SCN2A: variants seen among roughly 807,000 people sequenced by gnomAD.
SCN2A encodes sodium voltage-gated channel alpha subunit 2, also known as sodium channel protein type 2 subunit alpha.
In SCN2A, 20 loss-of-function variants were observed where a neutral mutation model predicts 188.7. The observed-to-expected ratio is 0.11, with a 90% CI of 0.07 to 0.15. The LOEUF (loss-of-function observed/expected upper bound fraction) is 0.15. Ranked by LOEUF, SCN2A falls within the 10% of genes least tolerant of loss-of-function variation. The pLI is 1.00. For missense variants in SCN2A, 1,278 were observed against 2,445.0 expected, an observed-to-expected ratio of 0.52 and a Z score of 10.07; for synonymous variants, 804 against 833.1, an observed-to-expected ratio of 0.97 and a Z score of 0.60.
At chr2:165,322,951 C>T (rs932980711) in intron 11 of SCN2A, among the ~76,000 whole-genome samples, 4 of 152,028 alleles carry the variant, frequency 2.6e-5, no homozygotes, top group Admixed American at 6.5e-5. Flanking sequence ...GGAGAAAAAG[C>T]GAGAGTGAAA....
intron 1 of SCN2A, among the ~76,000 whole-genome samples, chr2:165,260,856 G>A (rs879147805): frequency 4.0e-5 from 6 of 151,242 alleles, no homozygotes; most frequent in African/African-American, 7.3e-5. Flanking sequence ...TGTAATCCCA[G>A]CTACTCGGGA....
intron 1 of SCN2A, among the ~76,000 whole-genome samples, chr2:165,258,471 A>G (rs536460673): frequency 2.0e-4 from 31 of 152,310 alleles, no homozygotes; most frequent in African/African-American, 7.5e-4. Flanking sequence ...GGGATTGCTT[A>G]TACACTGTTG....
At chr2:165,291,737 A>G (rs1048320805) in intron 1 of SCN2A, among the ~76,000 whole-genome samples, 1 of 151,210 alleles carries the variant, frequency 6.6e-6, no homozygotes, top group African/African-American at 2.4e-5. Flanking sequence ...AGCAAAAGCA[A>G]CCTTCCCAGC....
At chr2:165,354,713 T>A (rs1700094536) in intron 17 of SCN2A, 42 bp downstream of exon 17, 14 of 1,595,730 alleles carry the variant, frequency 8.8e-6, no homozygotes, top group Non-Finnish European at 1.2e-5. Context: ...TGTTATATAA[T>A]TCTGTTGTTT....
chr2:165,382,219 G>T (rs1701640305), intron 25 of SCN2A, among the ~76,000 whole-genome samples: 1 of 152,026 alleles, frequency 6.6e-6, no homozygotes, highest in Non-Finnish European at 1.5e-5. Flanking sequence ...GTAGACACTG[G>T]TTTTCCGAGT....
At chr2:165,263,361 A>G (rs1410939906) in intron 1 of SCN2A, among the ~76,000 whole-genome samples, 1 of 152,056 alleles carries the variant, frequency 6.6e-6, no homozygotes, top group Non-Finnish European at 1.5e-5. Flanking sequence ...TTATGGCTTC[A>G]GGTCTTAATT....
At chr2:165,350,217 A>G (rs1276821647) in intron 16 of SCN2A, among the ~76,000 whole-genome samples, 2 of 152,236 alleles carry the variant, frequency 1.3e-5, no homozygotes, top group African/African-American at 4.8e-5. Flanking sequence ...AGGTGAGGCA[A>G]TAGCACACAG....
Position 165,367,296 on chromosome 2 carries a change from A to T in SCN2A, c.3600A>T (p.Thr1200=). 1.9e-6 allele frequency: 3 copies of T among 1,614,176 alleles called. No individual in the cohort carries two copies. The highest frequency in any genetic ancestry group is 4.5e-5 in the East Asian group (2 of 44,872). Residue 1200 remains threonine (T), a synonymous_variant, in exon 19 of 27, where the codon ACA becomes ACT. Transcript: ENST00000375437. ...KGKLWWNLRK[T]CYKIVEHNWF... ...AACTCTGGTGGAATTTGAGGAAAACATGCTATAAGATAGTGGAGCACAATT... is the reference window on the plus strand; with the variant it reads ...AACTCTGGTGGAATTTGAGGAAAACTTGCTATAAGATAGTGGAGCACAATT...
rs1190562504 is a variant in SCN2A at position 165,389,653 on chromosome 2, T to C, written c.5847T>C (p.Thr1949=). 1 of 1,613,644 alleles carries C rather than the reference T, an allele frequency of 6.2e-7. No individual in the cohort carries two copies. Among genetic ancestry groups the C allele is most frequent in the South Asian group, 1.1e-5 (1 of 91,068 alleles). Residue 1949 remains threonine, a synonymous_variant, in exon 27 of 27, where the codon ACT becomes ACC. Transcript: ENST00000375437. The surrounding 1 kb of genome is among the most constrained non-coding windows in gnomAD (Gnocchi z 4.2). ...ATGGAACACCCATCAAAGAAGATAC[T>C]CTCATTGATAAACTGAATGAGAATT... is the stretch of plus-strand genomic sequence containing the variant. ...ECDGTPIKED[T]LIDKLNENST... is the part of the protein sequence containing the mutation.
chr2:165,254,159 A>G, intron 1 of SCN2A, among the ~76,000 whole-genome samples: 1 of 151,914 alleles, frequency 6.6e-6, no homozygotes. Flanking sequence ...AATTTATTAT[A>G]ATTTATAAAT....
intron 26 of SCN2A, among the ~76,000 whole-genome samples, chr2:165,387,894 C>A (rs768087097): frequency 2.0e-5 from 3 of 152,004 alleles, no homozygotes; most frequent in Non-Finnish European, 4.4e-5. Flanking sequence ...GAGATCTGAC[C>A]TGGAGCTTCC....
chr2:165,346,603 A>G (rs1699600444), intron 16 of SCN2A, among the ~76,000 whole-genome samples: 1 of 152,218 alleles, frequency 6.6e-6, no homozygotes, highest in African/African-American at 2.4e-5. Context: ...AAAATTGACA[A>G]ATGGGATCTA....
chr2:165,300,952 G>T (rs1275175823), intron 3 of SCN2A, among the ~76,000 whole-genome samples: 1 of 152,186 alleles, frequency 6.6e-6, no homozygotes, highest in Non-Finnish European at 1.5e-5. Flanking sequence ...AGGCAAGAGA[G>T]CATGGTGGCT....
intron 1 of SCN2A, among the ~76,000 whole-genome samples, 190 bp from the exon 2 acceptor site, chr2:165,295,583 G>A (rs576662312): frequency 6.6e-6 from 1 of 152,306 alleles, no homozygotes; most frequent in South Asian, 2.1e-4. Flanking sequence ...TACTGAATGT[G>A]AGAGATAGAT....
At chr2:165,279,889 TC>T (rs1695510306) in intron 1 of SCN2A, among the ~76,000 whole-genome samples, 1 of 152,154 alleles carries the variant, frequency 6.6e-6, no homozygotes, top group Admixed American at 6.5e-5. Flanking sequence ...CCCGTGCTGT[TC>T]TTGTGATAGT....
chr2:165,310,460 T>C lies in SCN2A; in HGVS notation c.835T>C (p.Leu279=), dbSNP rs1173673540. Reference sequence around the variant, plus strand: ...CATGGGCAACCTACGAAATAAATGTTTGCAATGGCCTCCAGATAATTCTTC... The same window carrying C: ...CATGGGCAACCTACGAAATAAATGTCTGCAATGGCCTCCAGATAATTCTTC... ...LFMGNLRNKC[L]QWPPDNSSFE... is the part of the protein sequence containing the mutation. Residue 279 remains leucine, a synonymous_variant, in exon 7 of 27, where the codon TTG becomes CTG. Transcript: ENST00000375437. The C allele has an allele frequency of 6.2e-7, 1 of 1,613,688 alleles. No homozygotes were observed. Among genetic ancestry groups the C allele is most frequent in the Non-Finnish European group, 8.5e-7 (1 of 1,179,660 alleles).
At chr2:165,261,019 G>A (rs1300916727) in intron 1 of SCN2A, among the ~76,000 whole-genome samples, 1 of 150,474 alleles carries the variant, frequency 6.6e-6, no homozygotes, top group Non-Finnish European at 1.5e-5. Flanking sequence ...TATAACCTGG[G>A]CACATCCTCC....
chr2:165,345,400 C>T (rs991704747), intron 16 of SCN2A, among the ~76,000 whole-genome samples: 2 of 152,086 alleles, frequency 1.3e-5, no homozygotes, highest in Non-Finnish European at 2.9e-5. Context: ...AAATTAACCA[C>T]CCCTAACACC....
At chr2:165,331,716 A>G (rs1034962641) in intron 14 of SCN2A, 148 bp downstream of exon 14, 1 of 714,014 alleles carries the variant, frequency 1.4e-6, no homozygotes, top group Non-Finnish European at 2.5e-6. Flanking sequence ...AATAACAAAA[A>G]AATGTTGCTA....
Sources: allele counts gnomAD v4.1 joint callset (sites outside exome capture counted in the v4.1 genomes callset), GRCh38; gene constraint gnomAD v4.1.1; non-coding constraint Gnocchi (gnomAD v3.1); transcripts MANE v1.5; gene names NCBI Gene and HGNC (gene_info 2026-07-23, HGNC 2026-07-21).